Variants in RTN1 observed in about 807,000 individuals in gnomAD.
RTN1 encodes reticulon-1.
RTN1 carries 25 observed loss-of-function variants against 65.5 expected under a neutral mutation model. The ratio of observed to expected loss-of-function variants is 0.38; its 90% CI spans 0.28 to 0.53. The LOEUF (loss-of-function observed/expected upper bound fraction) is 0.53. RTN1 is among the 20% of genes least tolerant of loss of function. RTN1 has a pLI of 0.79. For missense variants in RTN1, 983 were observed against 1,025.4 expected (o/e 0.96, Z 0.57); for synonymous variants, 471 against 447.6 (o/e 1.05, Z -0.66).
rs2139661027 is a variant in RTN1 at position 59,849,165 on chromosome 14, C to A, written c.241+21225G>T. On this transcript the variant is annotated intron_variant, in intron 1 of 8. Coordinates refer to ENST00000267484, the MANE Select transcript of RTN1 (RefSeq NM_021136.3). The surrounding 1 kb of genome is among the most constrained non-coding windows in gnomAD (Gnocchi z 4.5). ...AGATTAACCAAATCATAGTTCAATA[C>A]CCTGCTATATATTCAATAGGCCATT... Among the ~76,000 whole-genome samples the A allele has an allele frequency of 6.6e-6, 1 of 152,288 alleles. No homozygotes were observed. The highest frequency in any genetic ancestry group is 1.5e-5 in the Non-Finnish European group (1 of 68,030).
chr14:59,725,717 T>C (rs901744266), intron 3 of RTN1, among the ~76,000 whole-genome samples: 3 of 152,214 alleles, frequency 2.0e-5, no homozygotes, highest in African/African-American at 7.2e-5. Flanking sequence ...TTTATTTCAG[T>C]CCTCTAGATT....
At chr14:59,646,240 C>T (rs189604240) in intron 3 of RTN1, among the ~76,000 whole-genome samples, 22 of 151,986 alleles carry the variant, frequency 1.4e-4, no homozygotes, top group South Asian at 4.2e-4. Flanking sequence ...CTTTTAAACA[C>T]GACAGTCATA....
At chr14:59,791,670 C>T (rs1886350995) in intron 1 of RTN1, among the ~76,000 whole-genome samples, 1 of 152,216 alleles carries the variant, frequency 6.6e-6, no homozygotes, top group Non-Finnish European at 1.5e-5. Flanking sequence ...AACAACTGAA[C>T]TCTCCATGTA....
At chr14:59,634,192 C>T in intron 3 of RTN1, among the ~76,000 whole-genome samples, 1 of 152,130 alleles carries the variant, frequency 6.6e-6, no homozygotes, top group East Asian at 1.9e-4. Flanking sequence ...CCTAAAGGAG[C>T]AGGAGAATGC....
chr14:59,599,412 T>A (rs1450046899), intron 8 of RTN1, among the ~76,000 whole-genome samples: 1 of 152,228 alleles, frequency 6.6e-6, no homozygotes, highest in Non-Finnish European at 1.5e-5. Context: ...CAAAGATATT[T>A]GATTTGTCTT....
At chr14:59,659,428 C>T (rs1469094389) in intron 3 of RTN1, among the ~76,000 whole-genome samples, 1 of 151,712 alleles carries the variant, frequency 6.6e-6, no homozygotes, top group Non-Finnish European at 1.5e-5. Context: ...AACCCCAAGA[C>T]ACATAATTGT....
chr14:59,647,844 A>C (rs1882933180), intron 3 of RTN1, among the ~76,000 whole-genome samples: 2 of 152,330 alleles, frequency 1.3e-5, no homozygotes, highest in South Asian at 2.1e-4. Context: ...AGTTAGAATC[A>C]TCTCAAATGT....
rs547509955 is a variant in RTN1 at position 59,666,504 on chromosome 14, G to A, written c.1766-59012C>T. Among the ~76,000 whole-genome samples the A allele has an allele frequency of 3.0e-3, 454 of 152,088 alleles. 1 individual carries two copies. Among genetic ancestry groups the A allele is most frequent in the African/African-American group, 0.011 (441 of 41,480 alleles). On this transcript the variant is annotated intron_variant, in intron 3 of 8. Transcript: ENST00000267484. ...GAAAAAGCAGGAAAGATCTAAAATC[G>A]ACACTCTAACATCACAATTAAAAGA...
At chr14:59,684,032 A>C (rs1475072205) in intron 3 of RTN1, among the ~76,000 whole-genome samples, 1 of 152,098 alleles carries the variant, frequency 6.6e-6, no homozygotes, top group African/African-American at 2.4e-5. Flanking sequence ...CTAATGACCA[A>C]GCAAAGTACA....
intron 3 of RTN1, among the ~76,000 whole-genome samples, chr14:59,661,275 A>AAT: frequency 6.6e-6 from 1 of 151,034 alleles, no homozygotes; most frequent in African/African-American, 2.4e-5. Flanking sequence ...AAAAAAAAAA[A>AAT]AAAAGCCCAG....
intron 1 of RTN1, among the ~76,000 whole-genome samples, chr14:59,837,184 A>G (rs1887227622): frequency 6.6e-6 from 1 of 152,144 alleles, no homozygotes; most frequent in African/African-American, 2.4e-5. Flanking sequence ...GAAAGCAAAT[A>G]TTTAGTAGAT....
chr14:59,736,183 G>C (rs1029388304), intron 2 of RTN1, among the ~76,000 whole-genome samples: 5 of 151,318 alleles, frequency 3.3e-5, no homozygotes, highest in Non-Finnish European at 5.9e-5. Flanking sequence ...CAAGAACAAA[G>C]ATGAACTGAA....
chr14:59,848,132 A>T (rs899697800), intron 1 of RTN1, among the ~76,000 whole-genome samples: 1 of 152,190 alleles, frequency 6.6e-6, no homozygotes, highest in African/African-American at 2.4e-5. Context: ...TCCACAAACT[A>T]ATGAAACATC....
intron 3 of RTN1, among the ~76,000 whole-genome samples, chr14:59,702,296 C>T (rs1884197055): frequency 1.3e-5 from 2 of 152,180 alleles, no homozygotes; most frequent in Non-Finnish European, 2.9e-5. Flanking sequence ...GTTGCTTCCT[C>T]TTCAAAACTT....
At chr14:59,753,018 C>G (rs1396944498) in intron 1 of RTN1, among the ~76,000 whole-genome samples, 3 of 152,086 alleles carry the variant, frequency 2.0e-5, no homozygotes, top group Admixed American at 2.0e-4. Context: ...AATTCCCTTC[C>G]AACTTTCCAT....
chr14:59,748,556 C>A (rs563162378), intron 1 of RTN1, among the ~76,000 whole-genome samples: 2 of 152,028 alleles, frequency 1.3e-5, no homozygotes, highest in Non-Finnish European at 2.9e-5. Context: ...TATTCGCTAC[C>A]CTTCTCTGAT....
At chr14:59,795,711 C>A (rs1032534090) in intron 1 of RTN1, among the ~76,000 whole-genome samples, 3 of 152,102 alleles carry the variant, frequency 2.0e-5, no homozygotes, top group South Asian at 2.1e-4. Flanking sequence ...AAGGGGCAAA[C>A]CTTGACATTG....
chr14:59,669,621 TA>T (rs527804087), intron 3 of RTN1, among the ~76,000 whole-genome samples: 17 of 151,618 alleles, frequency 1.1e-4, no homozygotes, highest in Admixed American at 9.9e-4. Context: ...AAATAAAAAA[TA>T]AAAAAAAGAA....
At chr14:59,771,846 A>C (rs182097048) in intron 1 of RTN1, among the ~76,000 whole-genome samples, 39 of 152,232 alleles carry the variant, frequency 2.6e-4, no homozygotes, top group African/African-American at 8.7e-4. Flanking sequence ...AGAATTACTC[A>C]TGTATGGATT....
Sources: allele counts gnomAD v4.1 joint callset (sites outside exome capture counted in the v4.1 genomes callset), GRCh38; gene constraint gnomAD v4.1.1; non-coding constraint Gnocchi (gnomAD v3.1); transcripts MANE v1.5; gene names NCBI Gene and HGNC (gene_info 2026-07-23, HGNC 2026-07-21).